Variants in SART1 observed in about 807,000 individuals in gnomAD.
SART1 encodes spliceosome associated factor 1, recruiter of U4/U6.U5 tri-snRNP.
In SART1, 28 loss-of-function variants were observed where a neutral mutation model predicts 105.0. The observed-to-expected ratio is 0.27, with a 90% CI of 0.20 to 0.37. The LOEUF (loss-of-function observed/expected upper bound fraction) is 0.37, where lower values mean the gene tolerates loss of function less well. Ranked by LOEUF, SART1 falls within the 10% of genes least tolerant of loss-of-function variation. The pLI is 1.00. For missense variants in SART1, 894 were observed against 1,106.5 expected (o/e 0.81, Z 2.72); for synonymous variants, 472 against 462.9 (o/e 1.02, Z -0.25).
At chr11:65,971,946 T>A (rs1460949464) in intron 12 of SART1, among the ~76,000 whole-genome samples, 1 of 152,018 alleles carries the variant, frequency 6.6e-6, no homozygotes, top group Non-Finnish European at 1.5e-5. Flanking sequence ...TGTTTTGTGA[T>A]AGTGTCTCAC....
chr11:65,962,083 C>A lies in SART1; in HGVS notation c.303C>A (p.Gly101=). The part of the protein sequence containing the change: ...RRVKREKRDD[G]YEAAASSKTS... ...TGAAGCGGGAGAAGCGCGATGACGG[C>A]TACGAGGCCGGTGAGGAGGCGGGGC... Residue 101 remains glycine, a synonymous_variant, in exon 1 of 20, where the codon GGC becomes GGA. Transcript: ENST00000312397. 8.1e-7 allele frequency: 1 copy of A among 1,230,076 alleles called. No individual in the cohort carries two copies. The highest frequency in any genetic ancestry group is 1.0e-6 in the Non-Finnish European group (1 of 970,522). The allele number at this position is 1,230,076 out of a possible 1,614,324, so 76.2% of individuals were successfully genotyped here.
chr11:65,967,131 CAT>C lies in SART1; in HGVS notation c.1189-127_1189-126del, dbSNP rs764457642. 1.0e-5 allele frequency: 14 copies of C among 1,346,638 alleles called. No individual in the cohort carries two copies. The South Asian group carries it at 1.1e-4, about 11-fold the overall frequency. 83.4% of individuals were successfully genotyped at this position (1,346,638 alleles called of 1,614,324 possible). On this transcript the variant is annotated intron_variant, in intron 9 of 19. Coordinates refer to ENST00000312397, the MANE Select transcript of SART1 (RefSeq NM_005146.5). ...GATAGTAACCACCCCACATGTTGCT[CAT>C]GTGTGGGAAGCGCTCAGGACGCTGG... is the stretch of plus-strand genomic sequence containing the variant.
chr11:65,977,131 G>C (rs1046485925), intron 15 of SART1, 30 bp downstream of exon 15: 1 of 1,534,986 alleles, frequency 6.5e-7, no homozygotes, highest in Admixed American at 1.7e-5. Flanking sequence ...CATGACTTGG[G>C]TGGGCTTGGG....
chr11:65,962,119 GGCGGGTC>G, intron 1 of SART1, 26 bp downstream of exon 1: 1 of 1,109,928 alleles, frequency 9.0e-7, no homozygotes, highest in Non-Finnish European at 1.2e-6. Context: ...CTGCGCAGGG[GGCGGGTC>G]GGGCGGGGGT....
rs199843654 is a variant in SART1, at chr11:65,976,789, G to T, written c.1857+23G>T. 1.4e-5 allele frequency: 22 copies of T among 1,566,340 alleles called. No individual in the cohort carries two copies. The highest frequency in any genetic ancestry group is 2.1e-4 in the Middle Eastern group (1 of 4,826). On this transcript the variant is annotated intron_variant, in intron 14 of 19. Coordinates refer to ENST00000312397, the MANE Select transcript of SART1 (RefSeq NM_005146.5). The surrounding 1 kb of genome is among the most constrained non-coding windows in gnomAD (Gnocchi z 5.1). ...GATGTGAGGGCCGCGCCGCTGGGGGGTGGGCGTTTGGGGGTGCTCAAGCTG... is the reference window on the plus strand; with the variant it reads ...GATGTGAGGGCCGCGCCGCTGGGGGTTGGGCGTTTGGGGGTGCTCAAGCTG...
rs1255481347 is a variant in SART1 at position 65,979,069 on chromosome 11, TTAAA to T, written c.*44_*47del. The T allele has an allele frequency of 1.2e-6, 2 of 1,613,504 alleles. No homozygotes were observed. The highest frequency in any genetic ancestry group is 1.7e-6 in the Non-Finnish European group (2 of 1,179,596). The stretch of plus-strand genomic sequence containing the variant: ...CCCCGGCCCTGCCTCAACCTTCATA[TTAAA>T]TAAAGCTCCCTCCTTATTTTTTCCT... On this transcript the variant is annotated 3_prime_UTR_variant, in exon 20 of 20. Coordinates refer to ENST00000312397, the MANE Select transcript of SART1 (RefSeq NM_005146.5).
At position 65,967,737 on chromosome 11, in the gene SART1, G is replaced by C. The variant is rs1455994946; in HGVS notation, c.1488G>C (p.Glu496Asp). ...SPQVLEEDEA[E>D]LELQKQLEKG... ...AGGTGCTGGAGGAGGACGAGGCGGA[G>C]CTGGAGCTGCAGAAGCAGCTGGAGA... The change falls in exon 12 of 20, where the codon GAG (glutamate) becomes GAC (aspartate). Residue 496 changes from glutamate to aspartate, a missense_variant. Around this residue, in one of 2 missense-constraint regions of SART1, gnomAD observed 712 missense variants for 778.2 expected, o/e 0.91. Transcript: ENST00000312397. 1 of 1,554,450 alleles carries C rather than the reference G, an allele frequency of 6.4e-7. No homozygotes were observed. The highest frequency in any genetic ancestry group is 2.0e-5 in the Admixed American group (1 of 51,046).
rs1855150518 is a variant in SART1 at position 65,961,942 on chromosome 11, G to C, written c.162G>C (p.Lys54Asn). Residue 54 changes from lysine to asparagine, a missense_variant, in exon 1 of 20, where the codon AAG becomes AAC. By Grantham distance (94) the Lys-to-Asn change is moderately conservative. Coordinates refer to ENST00000312397, the MANE Select transcript of SART1 (RefSeq NM_005146.5). ...GCGGTAGCGGTGGCGAACGACGGAA[G>C]CGGAGCCGGGAACGTGGGGGCGAGC... ...GSGGSGGERRKRSRERGGERG... is the reference protein window; with the variant it reads ...GSGGSGGERRNRSRERGGERG... 2 of 1,527,954 alleles carry C rather than the reference G, an allele frequency of 1.3e-6. No homozygotes were observed. Among genetic ancestry groups the C allele is most frequent in the Non-Finnish European group, 1.8e-6 (2 of 1,138,154 alleles). 94.6% of individuals were successfully genotyped at this position (1,527,954 alleles called of 1,614,324 possible).
In SART1 at chr11:65,977,860, A is replaced by G. The variant is rs960471317; in HGVS notation, c.2133A>G (p.Glu711=). The G allele has an allele frequency of 8.7e-6, 14 of 1,613,720 alleles. No homozygotes were observed. Among genetic ancestry groups the G allele is most frequent in the South Asian group, 4.4e-5 (4 of 91,062 alleles). ...GCTACAAACCCGACGTTAAGATCGAATACGTGGATGAGACGGGCCGGAAAC... is the reference window on the plus strand; with the variant it reads ...GCTACAAACCCGACGTTAAGATCGAGTACGTGGATGAGACGGGCCGGAAAC... ...KDGYKPDVKI[E]YVDETGRKLT... The change falls in exon 17 of 20, where the codon GAA becomes GAG. Residue 711 remains glutamate (E), a synonymous_variant. Transcript: ENST00000312397.
Position 65,972,464 on chromosome 11 carries a change from T to C in SART1, c.1573-3931T>C, listed in dbSNP as rs553489414. The stretch of plus-strand genomic sequence containing the variant: ...ACATTTCGGAATCAAATTAAGGAAA[T>C]TACATTTATAACTTTTTGGTAGAAA... On this transcript the variant is annotated intron_variant, in intron 12 of 19. Coordinates refer to ENST00000312397, the MANE Select transcript of SART1 (RefSeq NM_005146.5). Among the ~76,000 whole-genome samples the C allele has an allele frequency of 3.9e-5, 6 of 152,282 alleles. No individual in the cohort carries two copies. The East Asian group carries it at 9.6e-4, about 24-fold the overall frequency.
In SART1 at chr11:65,978,145, G is replaced by T; in HGVS notation, c.2172+246G>T. 1 of 565,012 alleles carries T rather than the reference G, an allele frequency of 1.8e-6. No individual in the cohort carries two copies. Among genetic ancestry groups the T allele is most frequent in the East Asian group, 3.0e-5 (1 of 32,934 alleles). 35.0% of individuals were successfully genotyped at this position (565,012 alleles called of 1,614,324 possible). A position where few individuals can be genotyped will look rare whatever the true frequency, so the allele number is the denominator to read the frequency against. On this transcript the variant is annotated intron_variant, in intron 17 of 19. Transcript: ENST00000312397. The surrounding 1 kb of genome is among the most constrained non-coding windows in gnomAD (Gnocchi z 6.8). Reference sequence around the variant, plus strand: ...GGCAGGAGGGTCAGACAGGCACTCGGGACCTCTGCCCTCCTGTCCTCACCT... The same window carrying T: ...GGCAGGAGGGTCAGACAGGCACTCGTGACCTCTGCCCTCCTGTCCTCACCT...
Position 65,978,743 on chromosome 11 carries a change from T to A in SART1, c.2263-50T>A. On this transcript the variant is annotated intron_variant, in intron 18 of 19. Coordinates refer to ENST00000312397, the MANE Select transcript of SART1 (RefSeq NM_005146.5). The surrounding 1 kb of genome is among the most constrained non-coding windows in gnomAD (Gnocchi z 6.8). ...CTGTGCCTGCCGGGGCAGGGGTGGCTGGTGTGTGGGGCCTGCTGCAGCCCT... is the reference window on the plus strand; with the variant it reads ...CTGTGCCTGCCGGGGCAGGGGTGGCAGGTGTGTGGGGCCTGCTGCAGCCCT... 1 of 1,613,720 alleles carries A rather than the reference T, an allele frequency of 6.2e-7. No homozygotes were observed. The highest frequency in any genetic ancestry group is 8.5e-7 in the Non-Finnish European group (1 of 1,179,788).
rs1381797373 is a variant in SART1 at position 65,978,279 on chromosome 11, C to T, written c.2173-321C>T. The stretch of plus-strand genomic sequence containing the variant: ...CGTCCTGCCCTACCACTCAGCTGCC[C>T]CCTTGCTCTCTGGGGTTTGTCTCCC... On this transcript the variant is annotated intron_variant, in intron 17 of 19. Transcript: ENST00000312397. The surrounding 1 kb of genome is among the most constrained non-coding windows in gnomAD (Gnocchi z 6.8). 3 of 503,152 alleles carry T rather than the reference C, an allele frequency of 6.0e-6. No homozygotes were observed. Among genetic ancestry groups the T allele is most frequent in the Non-Finnish European group, 1.1e-5 (3 of 277,032 alleles). The allele number at this position is 503,152 out of a possible 1,614,324, so 31.2% of individuals were successfully genotyped here.
At position 65,979,710 on chromosome 11, in the gene SART1, G is replaced by A. The variant is rs1245798481; in HGVS notation, c.*680G>A. ...GACAAACGGCCACCTTGGGTGCCCA[G>A]GATACTGGTGCCTGGCCCCACGTAC... On this transcript the variant is annotated 3_prime_UTR_variant, in exon 20 of 20. Transcript: ENST00000312397. 1 of 152,212 alleles carries A rather than the reference G, an allele frequency of 6.6e-6. No homozygotes were observed. Among genetic ancestry groups the A allele is most frequent in the African/African-American group, 2.4e-5 (1 of 41,410 alleles). The allele number at this position is 152,212 out of a possible 1,614,324, so 9.4% of individuals were successfully genotyped here. A position where few individuals can be genotyped will look rare whatever the true frequency, so the allele number is the denominator to read the frequency against.
At position 65,978,047 on chromosome 11, in the gene SART1, G is replaced by C; in HGVS notation, c.2172+148G>C. Reference sequence around the variant, plus strand: ...GCCTGGTGAATGCCACGGATGGGGAGGGGGCCCTCAGGGCTGAGGAAGGCT... The same window carrying C: ...GCCTGGTGAATGCCACGGATGGGGACGGGGCCCTCAGGGCTGAGGAAGGCT... On this transcript the variant is annotated intron_variant, in intron 17 of 19. Coordinates refer to ENST00000312397, the MANE Select transcript of SART1 (RefSeq NM_005146.5). The surrounding 1 kb of genome is among the most constrained non-coding windows in gnomAD (Gnocchi z 6.8). The C allele has an allele frequency of 1.2e-6, 1 of 834,436 alleles. No individual in the cohort carries two copies. Among genetic ancestry groups the C allele is most frequent in the Non-Finnish European group, 1.8e-6 (1 of 541,204 alleles). 51.7% of individuals were successfully genotyped at this position (834,436 alleles called of 1,614,324 possible). A position where few individuals can be genotyped will look rare whatever the true frequency, so the allele number is the denominator to read the frequency against.
chr11:65,965,027 G>A, intron 3 of SART1, 65 bp from the exon 4 acceptor site: 2 of 1,514,078 alleles, frequency 1.3e-6, no homozygotes, highest in Non-Finnish European at 1.8e-6. Flanking sequence ...GGCAGGGTGA[G>A]TGGCTCCCTC....
At position 65,967,482 on chromosome 11, in the gene SART1, G is replaced by A. The variant is rs1855283195; in HGVS notation, c.1325G>A (p.Arg442Gln). ...CCTCCTTCCCTCAGACTGCGGGGAC[G>A]GGGTCGCCGCCGAGTGTCCGAAGTG... ...DGDFGSRLRGRGRRRVSEVEE... is the reference protein window; with the variant it reads ...DGDFGSRLRGQGRRRVSEVEE... Residue 442 changes from arginine to glutamine, a missense_variant, in exon 11 of 20, where the codon CGG becomes CAG. Arg to Gln is a conservative substitution (Grantham distance 43). This residue lies in a region of SART1 where 712 missense variants were observed against 778.2 expected (regional missense o/e 0.91). Transcript: ENST00000312397. 6 of 1,613,186 alleles carry A rather than the reference G, an allele frequency of 3.7e-6. No individual in the cohort carries two copies. Among genetic ancestry groups the A allele is most frequent in the African/African-American group, 1.3e-5 (1 of 74,898 alleles).
intron 12 of SART1, among the ~76,000 whole-genome samples, chr11:65,973,540 G>A (rs1219618083): frequency 6.6e-6 from 1 of 152,224 alleles, no homozygotes; most frequent in East Asian, 1.9e-4. Flanking sequence ...TAAAGGACAT[G>A]GAGCGGCCAG....
In SART1 at chr11:65,978,592, G is replaced by C. The variant is rs145104842; in HGVS notation, c.2173-8G>C. The stretch of plus-strand genomic sequence containing the variant: ...CCCTGCATCTCCTCTCATGCCCCGC[G>C]TCCCCAGGCTTTCCGGCAGCTGTCG... On this transcript the variant is annotated splice_region_variant and splice_polypyrimidine_tract_variant and intron_variant, in intron 17 of 19. Coordinates refer to ENST00000312397, the MANE Select transcript of SART1 (RefSeq NM_005146.5). The surrounding 1 kb of genome is among the most constrained non-coding windows in gnomAD (Gnocchi z 6.8). The C allele has an allele frequency of 6.4e-7, 1 of 1,555,898 alleles. No individual in the cohort carries two copies. The highest frequency in any genetic ancestry group is 1.4e-5 in the African/African-American group (1 of 73,344).
Sources: allele counts gnomAD v4.1 joint callset (sites outside exome capture counted in the v4.1 genomes callset), GRCh38; gene constraint gnomAD v4.1.1; regional missense constraint gnomAD v4.1.1; non-coding constraint Gnocchi (gnomAD v3.1); transcripts MANE v1.5; gene names NCBI Gene and HGNC (gene_info 2026-07-23, HGNC 2026-07-21).